RAB19: variants seen among roughly 807,000 people sequenced by gnomAD.
The protein encoded by RAB19 is RAB19, member RAS oncogene family.
In RAB19, 21 loss-of-function variants were observed where a neutral mutation model predicts 17.3. The ratio of observed to expected loss-of-function variants is 1.21; its 90% CI spans 0.86 to 1.74. The LOEUF is 1.74. Ranked by LOEUF, RAB19 falls within the 40% of genes most tolerant of loss-of-function variation. The probability of loss-of-function intolerance (pLI) is 0.00; values close to 1 mark genes in which losing one functional copy is unlikely to be tolerated. For missense variants in RAB19, 277 were observed against 286.8 expected (o/e 0.97, Z 0.25); for synonymous variants, 126 against 110.4 (o/e 1.14, Z -0.88).
chr7:140,408,273 A>G (rs1799287426), intron 2 of RAB19, among the ~76,000 whole-genome samples: 1 of 152,028 alleles, frequency 6.6e-6, no homozygotes, highest in Admixed American at 6.6e-5. Context: ...AATCATACAA[A>G]TAGTGGAAGA....
Position 140,427,720 on chromosome 7 carries a change from G to A in RAB19, c.*1570G>A, listed in dbSNP as rs940469755. On this transcript the variant is annotated 3_prime_UTR_variant, in exon 4 of 4. Coordinates refer to ENST00000537763, the MANE Select transcript of RAB19 (RefSeq NM_001008749.3). ...CTGTCTCGTGGCCTCCCAAAGTGCTGGGATTACAGGTGTGAACCACCGCAC... is the reference window on the plus strand; with the variant it reads ...CTGTCTCGTGGCCTCCCAAAGTGCTAGGATTACAGGTGTGAACCACCGCAC... Among the ~76,000 whole-genome samples, 1 of 151,924 alleles carries A rather than the reference G, an allele frequency of 6.6e-6. No individual in the cohort carries two copies. Among genetic ancestry groups the A allele is most frequent in the Admixed American group, 6.6e-5 (1 of 15,206 alleles).
At chr7:140,416,758 T>C (rs1025506178) in intron 3 of RAB19, among the ~76,000 whole-genome samples, 4 of 152,024 alleles carry the variant, frequency 2.6e-5, no homozygotes, top group African/African-American at 9.7e-5. Context: ...GTTGATCTAG[T>C]TGTGGTGGAG....
In RAB19 at chr7:140,407,854, G is replaced by A. The variant is rs1435834171; in HGVS notation, c.201+7G>A. 1 of 1,595,292 alleles carries A rather than the reference G, an allele frequency of 6.3e-7. No individual in the cohort carries two copies. Among genetic ancestry groups the A allele is most frequent in the Non-Finnish European group, 8.6e-7 (1 of 1,164,466 alleles). ...TGACGGCAAAAAAGTGAAGGTCAGAGGGCACCGGGACGGGACTGGTTCCAC... is the reference window on the plus strand; with the variant it reads ...TGACGGCAAAAAAGTGAAGGTCAGAAGGCACCGGGACGGGACTGGTTCCAC... On this transcript the variant is annotated splice_region_variant and intron_variant, in intron 2 of 3. Coordinates refer to ENST00000537763, the MANE Select transcript of RAB19 (RefSeq NM_001008749.3).
chr7:140,420,146 C>T (rs187291236), intron 3 of RAB19, among the ~76,000 whole-genome samples: 4 of 152,214 alleles, frequency 2.6e-5, no homozygotes, highest in Non-Finnish European at 4.4e-5. Context: ...CAGGGCTGGG[C>T]ACAGTGGCTC....
At chr7:140,415,061 T>TTTTC in intron 3 of RAB19, among the ~76,000 whole-genome samples, 1 of 151,856 alleles carries the variant, frequency 6.6e-6, no homozygotes, top group East Asian at 1.9e-4. Context: ...GACCTCTTTT[T>TTTTC]TTTTCTTTTC....
Position 140,409,918 on chromosome 7 carries a change from G to A in RAB19, c.202-1956G>A, listed in dbSNP as rs1159358414. Among the ~76,000 whole-genome samples the A allele has an allele frequency of 5.4e-5, 8 of 147,708 alleles. No individual in the cohort carries two copies. In the East Asian group the frequency reaches 1.0e-3, roughly 19 times the overall value. On this transcript the variant is annotated intron_variant, in intron 2 of 3. Coordinates refer to ENST00000537763, the MANE Select transcript of RAB19 (RefSeq NM_001008749.3). ...TGAGGCAGGAGAATGGCGTGAACCC[G>A]GGAGGCGGAGCTTGCACTGAGCCGA...
intron 3 of RAB19, among the ~76,000 whole-genome samples, chr7:140,425,150 G>C (rs962965129): frequency 6.6e-6 from 1 of 152,022 alleles, no homozygotes; most frequent in Non-Finnish European, 1.5e-5. Context: ...GCCAGGCGTG[G>C]TGGCATTGGC....
intron 1 of RAB19, among the ~76,000 whole-genome samples, chr7:140,407,327 TG>T (rs974829494): frequency 1.6e-4 from 24 of 152,296 alleles, no homozygotes; most frequent in African/African-American, 5.8e-4. Context: ...ATGGAGCATG[TG>T]GCACCTCGTC....
At chr7:140,405,249 T>C (rs1002716044) in intron 1 of RAB19, among the ~76,000 whole-genome samples, 28 of 151,806 alleles carry the variant, frequency 1.8e-4, no homozygotes, top group African/African-American at 6.8e-4. Context: ...AAACGGAGTT[T>C]CGCTCTTGTT....
intron 2 of RAB19, among the ~76,000 whole-genome samples, chr7:140,410,699 TC>T (rs112752661): frequency 0.39 from 58,460 of 151,558 alleles, 11,555 homozygotes; most frequent in Non-Finnish European, 0.44. Context: ...GCTTAAGCGA[TC>T]CGCCACCTCA....
chr7:140,425,751 G>T, intron 3 of RAB19, 131 bp from the exon 4 acceptor site: 1 of 923,214 alleles, frequency 1.1e-6, no homozygotes, highest in East Asian at 2.5e-5. Flanking sequence ...AAAAAAATGT[G>T]CCCTCAATGA....
At chr7:140,416,052 AAAAC>A (rs1799451666) in intron 3 of RAB19, among the ~76,000 whole-genome samples, 1 of 151,382 alleles carries the variant, frequency 6.6e-6, no homozygotes, top group African/African-American at 2.4e-5. Flanking sequence ...TTTTATTTTT[AAAAC>A]AAACAGCCGG....
At chr7:140,417,402 T>G (rs1324218219) in intron 3 of RAB19, among the ~76,000 whole-genome samples, 17 of 95,234 alleles carry the variant, frequency 1.8e-4, no homozygotes, top group African/African-American at 7.2e-4. Flanking sequence ...ACCCTATCTC[T>G]TAAAAAAAAA....
At chr7:140,425,012 G>A (rs1419736229) in intron 3 of RAB19, among the ~76,000 whole-genome samples, 2 of 152,068 alleles carry the variant, frequency 1.3e-5, no homozygotes, top group African/African-American at 4.8e-5. Flanking sequence ...TAGGCCAGGT[G>A]TGGTGGTTCA....
chr7:140,425,951 A>G lies in RAB19; in HGVS notation c.455A>G (p.Tyr152Cys), dbSNP rs747837185. Reference sequence around the variant, plus strand: ...GATGCCTGCACACTGGCTGAGAAGTACGGCCTCCTGGCCGTTTTGGAGACA... The same window carrying G: ...GATGCCTGCACACTGGCTGAGAAGTGCGGCCTCCTGGCCGTTTTGGAGACA... ...FEDACTLAEK[Y>C]GLLAVLETSA... The change falls in exon 4 of 4, where the codon TAC becomes TGC. Residue 152 changes from tyrosine (Y) to cysteine (C), a missense_variant. By Grantham distance (194) the Tyr-to-Cys change is radical. Coordinates refer to ENST00000537763, the MANE Select transcript of RAB19 (RefSeq NM_001008749.3). 3 of 1,614,166 alleles carry G rather than the reference A, an allele frequency of 1.9e-6. No homozygotes were observed. Among genetic ancestry groups the G allele is most frequent in the Non-Finnish European group, 2.5e-6 (3 of 1,180,026 alleles).
chr7:140,424,794 C>G (rs1799634890), intron 3 of RAB19, among the ~76,000 whole-genome samples: 1 of 151,368 alleles, frequency 6.6e-6, no homozygotes, highest in Non-Finnish European at 1.5e-5. Flanking sequence ...AAAAAAATAT[C>G]TACAGAGGCT....
rs752775630 is a variant in RAB19 at position 140,407,833 on chromosome 7, G to A, written c.187G>A (p.Gly63Ser). ...DFTVRSLDID[G>S]KKVKMQVWDT... ...TACCGTGCGTTCCCTTGATATTGAC[G>A]GCAAAAAAGTGAAGGTCAGAGGGCA... Residue 63 changes from glycine to serine, a missense_variant, in exon 2 of 4, where the codon GGC (glycine) becomes AGC (serine). By Grantham distance (56) the Gly-to-Ser change is moderately conservative. Transcript: ENST00000537763. The A allele has an allele frequency of 1.7e-5, 27 of 1,610,802 alleles. No homozygotes were observed. The highest frequency in any genetic ancestry group is 1.2e-4 in the Admixed American group (7 of 59,762).
Position 140,425,949 on chromosome 7 carries a change from G to T in RAB19, c.453G>T (p.Lys151Asn). 6.2e-7 allele frequency: 1 copy of T among 1,614,196 alleles called. No individual in the cohort carries two copies. The highest frequency in any genetic ancestry group is 8.5e-7 in the Non-Finnish European group (1 of 1,180,022). Residue 151 changes from lysine to asparagine, a missense_variant, in exon 4 of 4, where the codon AAG (lysine) becomes AAT (asparagine). Transcript: ENST00000537763. ...LFEDACTLAE[K>N]YGLLAVLETS... ...AGGATGCCTGCACACTGGCTGAGAA[G>T]TACGGCCTCCTGGCCGTTTTGGAGA...
At chr7:140,418,344 G>A (rs1481029125) in intron 3 of RAB19, among the ~76,000 whole-genome samples, 2 of 143,664 alleles carry the variant, frequency 1.4e-5, no homozygotes, top group South Asian at 2.2e-4. Context: ...CTGAGCTCAG[G>A]AGTTGGAGAC....
Sources: gnomAD v4.1 joint callset for allele counts (sites outside exome capture counted in the v4.1 genomes callset) on GRCh38, gnomAD v4.1.1 for gene constraint, MANE v1.5 for transcripts, NCBI Gene and HGNC (gene_info 2026-07-23, HGNC 2026-07-21) for gene names.